SGCD: variants seen among roughly 807,000 people sequenced by gnomAD.
SGCD encodes the protein delta-sarcoglycan.
SGCD carries 18 observed loss-of-function variants against 36.6 expected under a neutral mutation model. That is an observed-to-expected ratio of 0.49 (90% CI 0.34 to 0.73). The LOEUF (loss-of-function observed/expected upper bound fraction) is 0.73. Ranked by LOEUF, SGCD falls within the 30% of genes least tolerant of loss-of-function variation. SGCD has a pLI of 0.01. For missense variants in SGCD, 387 were observed against 346.7 expected (o/e 1.12, Z -0.92); for synonymous variants, 133 against 130.6 (o/e 1.02, Z -0.12).
intron 1 of SGCD, among the ~76,000 whole-genome samples, chr5:156,105,659 A>C (rs1761627804): frequency 6.6e-6 from 1 of 152,164 alleles, no homozygotes; most frequent in Non-Finnish European, 1.5e-5. Flanking sequence ...TACTTGCAGG[A>C]CGTGTAATCA....
intron 7 of SGCD, among the ~76,000 whole-genome samples, chr5:156,691,329 C>G (rs1416012060): frequency 1.3e-5 from 2 of 151,822 alleles, no homozygotes; most frequent in Non-Finnish European, 2.9e-5. Context: ...TTCAGTTCCT[C>G]AGGCATGCTG....
At chr5:156,458,572 G>A in intron 3 of SGCD, 3 of 967,828 alleles carry the variant, frequency 3.1e-6, no homozygotes, top group South Asian at 1.4e-5. Context: ...TCAAAATTCA[G>A]CACCTTGATT....
At chr5:155,875,479 G>A (rs1482677538) in intron 1 of SGCD, among the ~76,000 whole-genome samples, 3 of 152,038 alleles carry the variant, frequency 2.0e-5, no homozygotes, top group Non-Finnish European at 4.4e-5. Flanking sequence ...TTTATTTGGG[G>A]AACTTACATC....
At chr5:156,702,852 A>T (rs1231537918) in intron 7 of SGCD, among the ~76,000 whole-genome samples, 1 of 152,162 alleles carries the variant, frequency 6.6e-6, no homozygotes, top group African/African-American at 2.4e-5. Flanking sequence ...CAGCTTTAAA[A>T]TATATAGTGT....
chr5:156,470,193 T>TTA (rs756491700), intron 3 of SGCD, among the ~76,000 whole-genome samples: 1 of 152,172 alleles, frequency 6.6e-6, no homozygotes, highest in Non-Finnish European at 1.5e-5. Context: ...AAAGATACAT[T>TTA]TATATATAAA....
intron 3 of SGCD, among the ~76,000 whole-genome samples, chr5:156,449,852 CAA>C (rs10548772): frequency 0.047 from 3,190 of 67,698 alleles, 123 homozygotes; most frequent in African/African-American, 0.16. Context: ...AACTCCATCT[CAA>C]AAAAAAAAAA....
chr5:156,466,859 A>G (rs1754742216), intron 3 of SGCD, among the ~76,000 whole-genome samples: 2 of 152,210 alleles, frequency 1.3e-5, no homozygotes, highest in African/African-American at 2.4e-5. Context: ...ATGTAGTCAT[A>G]AAATGCAATT....
At chr5:156,046,774 C>T (rs1759775640) in intron 1 of SGCD, among the ~76,000 whole-genome samples, 1 of 152,012 alleles carries the variant, frequency 6.6e-6, no homozygotes, top group African/African-American at 2.4e-5. Context: ...CAATTAATGG[C>T]CTCCAATTGT....
intron 3 of SGCD, among the ~76,000 whole-genome samples, chr5:156,188,322 T>C (rs1763810926): frequency 6.6e-6 from 1 of 152,064 alleles, no homozygotes; most frequent in Non-Finnish European, 1.5e-5. Context: ...ATAAACCTAA[T>C]AACAAAGTAA....
At chr5:156,008,289 C>T (rs183009109) in intron 1 of SGCD, among the ~76,000 whole-genome samples, 4 of 152,318 alleles carry the variant, frequency 2.6e-5, no homozygotes, top group Admixed American at 2.6e-4. Flanking sequence ...TTCCAGCAAT[C>T]CTTGAAGTTC....
chr5:156,651,206 C>A (rs1293259508), intron 7 of SGCD, among the ~76,000 whole-genome samples: 1 of 152,018 alleles, frequency 6.6e-6, no homozygotes. Flanking sequence ...AGATATTAGA[C>A]CTTTGTTGGG....
chr5:155,738,756 G>A, the SGCD span, among the ~76,000 whole-genome samples: 1 of 125,046 alleles, frequency 8.0e-6, no homozygotes, highest in African/African-American at 3.7e-5. Context: ...GTGAGTGTAA[G>A]AGAGTGTGAG....
chr5:156,367,346 TAGTA>T (rs1483817260), intron 3 of SGCD, among the ~76,000 whole-genome samples: 9 of 152,218 alleles, frequency 5.9e-5, no homozygotes, highest in East Asian at 3.9e-4. Context: ...CAGTTTTTGA[TAGTA>T]AGTAAAATGT....
chr5:155,848,529 T>C, the SGCD span, among the ~76,000 whole-genome samples: 1 of 152,204 alleles, frequency 6.6e-6, no homozygotes, highest in Non-Finnish European at 1.5e-5. Context: ...GTGTGAAATG[T>C]TCTTTACAAC....
intron 7 of SGCD, among the ~76,000 whole-genome samples, chr5:156,750,568 C>T (rs1349024844): frequency 6.6e-6 from 1 of 151,250 alleles, no homozygotes; most frequent in Non-Finnish European, 1.5e-5. Context: ...GTCCCAGCTA[C>T]TTGGGAGGCT....
At chr5:156,549,088 G>A (rs1758692252) in intron 4 of SGCD, among the ~76,000 whole-genome samples, 1 of 149,332 alleles carries the variant, frequency 6.7e-6, no homozygotes, top group East Asian at 1.9e-4. Flanking sequence ...CAGTTATGCA[G>A]TCTAAAAATG....
intron 5 of SGCD, among the ~76,000 whole-genome samples, chr5:156,592,110 G>A (rs1313559964): frequency 6.6e-6 from 1 of 152,092 alleles, no homozygotes; most frequent in Non-Finnish European, 1.5e-5. Flanking sequence ...TCTCACAGCT[G>A]TTCATGAATT....
At chr5:155,851,549 G>T in the SGCD span, among the ~76,000 whole-genome samples, 3 of 152,122 alleles carry the variant, frequency 2.0e-5, no homozygotes, top group African/African-American at 7.2e-5. Flanking sequence ...TATGGGTAGT[G>T]GTGACTTTTG....
At chr5:156,192,332 G>A (rs901784051) in intron 3 of SGCD, among the ~76,000 whole-genome samples, 2 of 152,080 alleles carry the variant, frequency 1.3e-5, no homozygotes, top group Non-Finnish European at 2.9e-5. Flanking sequence ...TTGTTCAGTA[G>A]AACTGGTAAT....
Sources: gnomAD v4.1 joint callset for allele counts (sites outside exome capture counted in the v4.1 genomes callset) on GRCh38, gnomAD v4.1.1 for gene constraint, MANE v1.5 for transcripts, NCBI Gene and HGNC (gene_info 2026-07-23, HGNC 2026-07-21) for gene names.